RIN3: variants seen among roughly 807,000 people sequenced by gnomAD.
RIN3 encodes the protein Ras and Rab interactor 3.
In RIN3, 54 loss-of-function variants were observed where a neutral mutation model predicts 76.3. The observed-to-expected ratio is 0.71, with a 90% CI of 0.57 to 0.89. The LOEUF is 0.89. Among genes scored for constraint, RIN3 ranks in the 40% least tolerant of loss-of-function variants. The pLI is 0.00. For missense variants in RIN3, 1,256 were observed against 1,322.1 expected (o/e 0.95, Z 0.78); for synonymous variants, 576 against 564.0 (o/e 1.02, Z -0.30).
intron 2 of RIN3, among the ~76,000 whole-genome samples, chr14:92,576,655 A>G (rs994921250): frequency 2.0e-5 from 3 of 152,170 alleles, no homozygotes; most frequent in African/African-American, 7.2e-5. Flanking sequence ...TCAGTCAGTC[A>G]TCACACCAGC....
intron 1 of RIN3, among the ~76,000 whole-genome samples, chr14:92,551,620 C>T (rs1023391950): frequency 6.6e-6 from 1 of 152,196 alleles, no homozygotes; most frequent in African/African-American, 2.4e-5. Context: ...GTGATGTTGT[C>T]AGTCATTTTA....
chr14:92,616,831 T>C (rs764413326), intron 4 of RIN3, among the ~76,000 whole-genome samples: 3 of 152,210 alleles, frequency 2.0e-5, no homozygotes, highest in Non-Finnish European at 2.9e-5. Flanking sequence ...TGGATACCTA[T>C]GCTGTCAAGA....
chr14:92,572,879 T>A lies in RIN3; in HGVS notation c.250-4481T>A, dbSNP rs1298754503. 8.1e-5 allele frequency among the ~76,000 whole-genome samples: 5 copies of A among 61,946 alleles called. No homozygotes were observed. In the Admixed American group the frequency reaches 8.9e-4, roughly 11 times the overall value. The allele number at this position is 61,946 out of a possible 152,430, so 40.6% of individuals were successfully genotyped here. A position where few individuals can be genotyped will look rare whatever the true frequency, so the allele number is the denominator to read the frequency against. Reference sequence around the variant, plus strand: ...TAGAAGGGTGACTCTTTTTTTTGCTTTTTTTTTTTTTTTTTTTTTTGAGAT... The same window carrying A: ...TAGAAGGGTGACTCTTTTTTTTGCTATTTTTTTTTTTTTTTTTTTTGAGAT... On this transcript the variant is annotated intron_variant, in intron 2 of 9. Transcript: ENST00000216487.
At chr14:92,679,800 A>G (rs76603611) in intron 8 of RIN3, among the ~76,000 whole-genome samples, 3,683 of 152,260 alleles carry the variant, frequency 0.024, 127 homozygotes, top group South Asian at 0.08. Context: ...GAATCTAAGA[A>G]AACTAACACA....
chr14:92,658,605 C>G (rs771584556), intron 6 of RIN3, among the ~76,000 whole-genome samples: 2 of 152,110 alleles, frequency 1.3e-5, no homozygotes, highest in Non-Finnish European at 2.9e-5. Flanking sequence ...CAAAAGCTGA[C>G]TGACATAACC....
At chr14:92,549,281 C>T (rs932082415) in intron 1 of RIN3, among the ~76,000 whole-genome samples, 2 of 152,210 alleles carry the variant, frequency 1.3e-5, no homozygotes, top group Non-Finnish European at 2.9e-5. Context: ...CCACCTCCCG[C>T]CCCCTGGCGT....
At chr14:92,665,073 A>G (rs998877475) in intron 7 of RIN3, among the ~76,000 whole-genome samples, 2 of 152,200 alleles carry the variant, frequency 1.3e-5, no homozygotes, top group Non-Finnish European at 2.9e-5. Flanking sequence ...TTGTTGTGCA[A>G]ACATTTTAGA....
intron 7 of RIN3, among the ~76,000 whole-genome samples, chr14:92,670,769 T>C (rs1788738113): frequency 6.6e-6 from 1 of 152,224 alleles, no homozygotes; most frequent in Admixed American, 6.5e-5. Context: ...AATGGTGTGC[T>C]GGAGTCAGCT....
chr14:92,624,996 G>A (rs12882803), intron 4 of RIN3, among the ~76,000 whole-genome samples: 35 of 152,190 alleles, frequency 2.3e-4, no homozygotes, highest in African/African-American at 7.5e-4. Context: ...CGTAGTCTCC[G>A]GGCCGGTGCT....
At chr14:92,534,587 CAAAAAAA>C (rs5810601) in intron 1 of RIN3, among the ~76,000 whole-genome samples, 1 of 134,402 alleles carries the variant, frequency 7.4e-6, no homozygotes, top group Non-Finnish European at 1.6e-5. Flanking sequence ...GACTCCATCT[CAAAAAAA>C]AAAAACAAAA....
chr14:92,520,668 T>C (rs1896574002), intron 1 of RIN3, among the ~76,000 whole-genome samples: 2 of 152,158 alleles, frequency 1.3e-5, no homozygotes, highest in African/African-American at 4.8e-5. Flanking sequence ...CTCCAAAGTT[T>C]CCCAGAGCTA....
intron 8 of RIN3, among the ~76,000 whole-genome samples, chr14:92,679,994 T>C (rs963423597): frequency 6.6e-6 from 1 of 152,070 alleles, no homozygotes; most frequent in Non-Finnish European, 1.5e-5. Context: ...TTGGTGTTAG[T>C]TTGTTTGGGA....
At chr14:92,545,311 C>T (rs894943841) in intron 1 of RIN3, among the ~76,000 whole-genome samples, 21 of 151,692 alleles carry the variant, frequency 1.4e-4, no homozygotes, top group Non-Finnish European at 4.4e-5. Flanking sequence ...GGGGTTTCAC[C>T]GTGTGAGCCA....
At position 92,519,060 on chromosome 14, in the gene RIN3, C is replaced by T. The variant is rs567122118; in HGVS notation, c.44+5084C>T. The stretch of plus-strand genomic sequence containing the variant: ...GCTCCATGTTCTCAAGGTCCCTGCT[C>T]GCTCTGACAGTCGGCTCCCTGAGTT... On this transcript the variant is annotated intron_variant, in intron 1 of 9. Transcript: ENST00000216487. Among the ~76,000 whole-genome samples the T allele has an allele frequency of 3.2e-4, 48 of 152,238 alleles. No individual in the cohort carries two copies. In the South Asian group the frequency reaches 4.6e-3, roughly 14 times the overall value.
At chr14:92,637,846 G>A (rs1201542815) in intron 4 of RIN3, among the ~76,000 whole-genome samples, 2 of 152,142 alleles carry the variant, frequency 1.3e-5, no homozygotes, top group African/African-American at 2.4e-5. Flanking sequence ...TTTTATATTG[G>A]TATAGATTTT....
In RIN3 at chr14:92,576,789, C is replaced by T. The variant is rs79683347; in HGVS notation, c.250-571C>T. On this transcript the variant is annotated intron_variant, in intron 2 of 9. Coordinates refer to ENST00000216487, the MANE Select transcript of RIN3 (RefSeq NM_024832.5). ...GAGCAAGTTACTCTATGTGGAGTGTCATCACAGCTCCTGTCTCAGCGAGAG... is the reference window on the plus strand; with the variant it reads ...GAGCAAGTTACTCTATGTGGAGTGTTATCACAGCTCCTGTCTCAGCGAGAG... Among the ~76,000 whole-genome samples, 526 of 152,280 alleles carry T rather than the reference C, an allele frequency of 3.5e-3. 8 individuals carry two copies. Among genetic ancestry groups the T allele is most frequent in the African/African-American group, 0.012 (504 of 41,552 alleles).
At chr14:92,571,889 A>C (rs936647784) in intron 2 of RIN3, among the ~76,000 whole-genome samples, 32 of 152,194 alleles carry the variant, frequency 2.1e-4, no homozygotes, top group African/African-American at 6.8e-4. Context: ...CTCTCCTCCT[A>C]TTCGCAGGGG....
In RIN3 at chr14:92,544,971, G is replaced by T. The variant is rs576525038; in HGVS notation, c.45-10780G>T. ...GTGCATGTATCCACAAACAGGTATAGAACTGTGGTGCGTGTTTTTTTATAC... is the reference window on the plus strand; with the variant it reads ...GTGCATGTATCCACAAACAGGTATATAACTGTGGTGCGTGTTTTTTTATAC... On this transcript the variant is annotated intron_variant, in intron 1 of 9. Coordinates refer to ENST00000216487, the MANE Select transcript of RIN3 (RefSeq NM_024832.5). 3.3e-4 allele frequency among the ~76,000 whole-genome samples: 50 copies of T among 152,186 alleles called. 1 individual carries two copies. The South Asian group carries it at 0.01, about 31-fold the overall frequency.
At position 92,685,235 on chromosome 14, in the gene RIN3, C is replaced by T; in HGVS notation, c.2631+85C>T. 8 of 1,405,136 alleles carry T rather than the reference C, an allele frequency of 5.7e-6. No individual in the cohort carries two copies. Among genetic ancestry groups the T allele is most frequent in the Non-Finnish European group, 7.6e-6 (8 of 1,045,856 alleles). 87.0% of individuals were successfully genotyped at this position (1,405,136 alleles called of 1,614,324 possible). On this transcript the variant is annotated intron_variant, in intron 9 of 9. Coordinates refer to ENST00000216487, the MANE Select transcript of RIN3 (RefSeq NM_024832.5). This position sits in a 1 kb window ranked among gnomAD's most constrained non-coding sequence, Gnocchi z 4.7. ...CCTGCTGGCTAAGGAGCCGTGACATCACCTGGCTGCTCCAGCCGCCCAGCC... is the reference window on the plus strand; with the variant it reads ...CCTGCTGGCTAAGGAGCCGTGACATTACCTGGCTGCTCCAGCCGCCCAGCC...
Sources: allele counts gnomAD v4.1 joint callset (sites outside exome capture counted in the v4.1 genomes callset), GRCh38; gene constraint gnomAD v4.1.1; non-coding constraint Gnocchi (gnomAD v3.1); transcripts MANE v1.5; gene names NCBI Gene and HGNC (gene_info 2026-07-23, HGNC 2026-07-21).